Variants in CLK2 observed in about 807,000 individuals in gnomAD.
The protein encoded by CLK2 is CDC like kinase 2, also known as dual specificity protein kinase CLK2.
A neutral mutation model predicts 73.5 loss-of-function variants in CLK2; 12 were observed. The ratio of observed to expected loss-of-function variants is 0.16; its 90% CI spans 0.10 to 0.26. The LOEUF is 0.26. CLK2 is among the 10% of genes least tolerant of loss of function. The pLI is 1.00. For synonymous variants in CLK2, 232 were observed against 237.9 expected (o/e 0.98, Z 0.23); for missense variants, 509 against 688.4 (o/e 0.74, Z 2.92).
intron 8 of CLK2, among the ~76,000 whole-genome samples, chr1:155,265,507 C>G (rs1016158844): frequency 1.3e-5 from 2 of 151,834 alleles, no homozygotes; most frequent in Non-Finnish European, 2.9e-5. Flanking sequence ...GTAGAGGTTG[C>G]AGTGAGCCGA....
Position 155,265,963 on chromosome 1 carries a change from G to A in CLK2, c.839-9C>T, listed in dbSNP as rs760796166. The A allele has an allele frequency of 5.0e-6, 8 of 1,594,548 alleles. No individual in the cohort carries two copies. In the Admixed American group the frequency reaches 1.2e-4, roughly 23 times the overall value. ...CTTGTTATCATGGAGGACTGTAGGG[G>A]AGAAGGCCAGGTCAGGCTTGGTGCA... On this transcript the variant is annotated splice_polypyrimidine_tract_variant and intron_variant, in intron 7 of 12. Transcript: ENST00000368361.
In CLK2 at chr1:155,268,693, C is replaced by T; in HGVS notation, c.487+15G>A. 1.2e-6 allele frequency: 2 copies of T among 1,612,042 alleles called. No individual in the cohort carries two copies. Among genetic ancestry groups the T allele is most frequent in the Non-Finnish European group, 1.7e-6 (2 of 1,178,184 alleles). On this transcript the variant is annotated intron_variant, in intron 4 of 12. Coordinates refer to ENST00000368361, the MANE Select transcript of CLK2 (RefSeq NM_001294338.2). This position sits in a 1 kb window ranked among gnomAD's most constrained non-coding sequence, Gnocchi z 5.6. ...ACCATTACAGGCTATAGGATTGTTA[C>T]GATTTGGCTTGTACATCGCTCTTGT...
chr1:155,267,485 G>T (rs1367404576), intron 6 of CLK2, among the ~76,000 whole-genome samples: 2 of 152,130 alleles, frequency 1.3e-5, no homozygotes, highest in Non-Finnish European at 2.9e-5. Context: ...TATAGATCCT[G>T]AATCATCAAA....
chr1:155,264,068 CAGA>C, intron 11 of CLK2, 28 bp from the exon 12 acceptor site: 1 of 1,593,332 alleles, frequency 6.3e-7, no homozygotes, highest in Non-Finnish European at 8.6e-7. Flanking sequence ...GTTGAGGAAT[CAGA>C]AGGTCACCCT....
At chr1:155,270,189 C>G (rs1260552816) in intron 2 of CLK2, among the ~76,000 whole-genome samples, 1 of 143,796 alleles carries the variant, frequency 7.0e-6, no homozygotes, top group Non-Finnish European at 1.5e-5. Context: ...GAAATCCTGT[C>G]TCTACTAAAA....
chr1:155,266,500 G>C (rs949649246), intron 7 of CLK2, among the ~76,000 whole-genome samples: 3 of 152,216 alleles, frequency 2.0e-5, no homozygotes, highest in African/African-American at 7.2e-5. Context: ...GATTCCAAAG[G>C]CTTTCTCTTC....
At position 155,264,810 on chromosome 1, in the gene CLK2, C is replaced by A. The variant is rs377657872; in HGVS notation, c.934-36G>T. ...AGGAGAAAGAGGATGAACCTCTGCACCCAGACTGAGATTCCACCAGTATTC... is the reference window on the plus strand; with the variant it reads ...AGGAGAAAGAGGATGAACCTCTGCAACCAGACTGAGATTCCACCAGTATTC... On this transcript the variant is annotated intron_variant, in intron 8 of 12. Coordinates refer to ENST00000368361, the MANE Select transcript of CLK2 (RefSeq NM_001294338.2). The A allele has an allele frequency of 6.2e-6, 10 of 1,609,042 alleles. No homozygotes were observed. In the Admixed American group the frequency reaches 1.3e-4, roughly 22 times the overall value.
At chr1:155,269,054 T>C in intron 3 of CLK2, 1 of 592,962 alleles carries the variant, frequency 1.7e-6, no homozygotes, top group East Asian at 2.8e-5. Context: ...AGTGGTGTTG[T>C]TGCCAATGTC....
intron 7 of CLK2, among the ~76,000 whole-genome samples, chr1:155,266,410 T>C (rs190473160): frequency 1.8e-3 from 271 of 152,326 alleles, no homozygotes; most frequent in African/African-American, 6.3e-3. Flanking sequence ...GAGTGTATTT[T>C]TGTCTCTTTA....
chr1:155,268,911 CGAT>C lies in CLK2; in HGVS notation c.400-119_400-117del. 1.5e-6 allele frequency: 1 copy of C among 677,988 alleles called. No individual in the cohort carries two copies. Among genetic ancestry groups the C allele is most frequent in the Non-Finnish European group, 2.7e-6 (1 of 373,402 alleles). 42.0% of individuals were successfully genotyped at this position (677,988 alleles called of 1,614,324 possible). A position where few individuals can be genotyped will look rare whatever the true frequency, so the allele number is the denominator to read the frequency against. On this transcript the variant is annotated intron_variant, in intron 3 of 12. Transcript: ENST00000368361. This position sits in a 1 kb window ranked among gnomAD's most constrained non-coding sequence, Gnocchi z 5.6. ...CAGGCGCCCAGCCAGGGGGGACAGA[CGAT>C]GATGGGGGACAGTGGAAGGGAACAC...
intron 11 of CLK2, 53 bp downstream of exon 11, chr1:155,264,168 A>AT: frequency 6.3e-7 from 1 of 1,598,068 alleles, no homozygotes; most frequent in Non-Finnish European, 8.6e-7. Flanking sequence ...GAAATAGACC[A>AT]ATTCTGTGGA....
At chr1:155,269,867 C>T in intron 2 of CLK2, 151 bp from the exon 3 acceptor site, 1 of 711,752 alleles carries the variant, frequency 1.4e-6, no homozygotes, top group Non-Finnish European at 2.4e-6. Context: ...ACCAAGGGAC[C>T]AGAGAAGTGA....
chr1:155,271,072 CCT>C, intron 1 of CLK2, 95 bp from the exon 2 acceptor site: 4 of 1,267,660 alleles, frequency 3.2e-6, no homozygotes, highest in Non-Finnish European at 3.4e-6. Flanking sequence ...GCTGCTTTCC[CCT>C]CTTATTTCTG....
rs973883674 is a variant in CLK2, at chr1:155,262,940, T to C, written c.*278A>G. The C allele has an allele frequency of 2.4e-5, 9 of 379,498 alleles. No homozygotes were observed. The highest frequency in any genetic ancestry group is 4.2e-5 in the Non-Finnish European group (9 of 212,010). The allele number at this position is 379,498 out of a possible 1,614,324, so 23.5% of individuals were successfully genotyped here. ...AATTCCTTATAAAACATGGGGTAGA[T>C]GCCACCTGGTTACCTCACTCGGCCC... On this transcript the variant is annotated 3_prime_UTR_variant, in exon 13 of 13. Coordinates refer to ENST00000368361, the MANE Select transcript of CLK2 (RefSeq NM_001294338.2).
At position 155,267,140 on chromosome 1, in the gene CLK2, G is replaced by C. The variant is rs1673267657; in HGVS notation, c.672-245C>G. On this transcript the variant is annotated intron_variant, in intron 6 of 12. Coordinates refer to ENST00000368361, the MANE Select transcript of CLK2 (RefSeq NM_001294338.2). ...GATGGCGTCTCACTCTGTCACCCAG[G>C]CTGGAGTGCAGTGGCGCGATCTTGG... 2.6e-5 allele frequency among the ~76,000 whole-genome samples: 4 copies of C among 152,110 alleles called. No homozygotes were observed. The South Asian group carries it at 6.2e-4, about 24-fold the overall frequency.
At chr1:155,266,066 A>T (rs1673217376) in intron 7 of CLK2, 112 bp from the exon 8 acceptor site, 1 of 749,466 alleles carries the variant, frequency 1.3e-6, no homozygotes, top group South Asian at 1.4e-5. Context: ...ACAGGTCCAG[A>T]ATCACTAGGG....
At position 155,264,500 on chromosome 1, in the gene CLK2, A is replaced by C; in HGVS notation, c.1114T>G (p.Phe372Val). ...CDVWSIGCIIFEYYVGFTLFQ... is the reference protein window; with the variant it reads ...CDVWSIGCIIVEYYVGFTLFQ... ...AGGGTGAATCCCACATAGTATTCAA[A>C]GATGATGCAGCCTATACTCCACACA... Residue 372 changes from phenylalanine (F) to valine (V), a missense_variant, in exon 10 of 13, where the codon TTT becomes GTT. Coordinates refer to ENST00000368361, the MANE Select transcript of CLK2 (RefSeq NM_001294338.2). The C allele has an allele frequency of 6.2e-7, 1 of 1,614,236 alleles. No individual in the cohort carries two copies. The highest frequency in any genetic ancestry group is 8.5e-7 in the Non-Finnish European group (1 of 1,180,042).
intron 6 of CLK2, among the ~76,000 whole-genome samples, 160 bp downstream of exon 6, chr1:155,267,850 C>A (rs149300184): frequency 2.2e-4 from 34 of 152,282 alleles, no homozygotes; most frequent in African/African-American, 5.3e-4. Flanking sequence ...GGGCCCCCCC[C>A]CTTTCCTACC....
At chr1:155,263,616 C>A (rs892293018) in intron 12 of CLK2, 5 of 983,992 alleles carry the variant, frequency 5.1e-6, no homozygotes, top group Non-Finnish European at 6.0e-6. Flanking sequence ...AAAGTTCTTT[C>A]TACTTGTATA....
Sources: gnomAD v4.1 joint callset for allele counts (sites outside exome capture counted in the v4.1 genomes callset) on GRCh38, gnomAD v4.1.1 for gene constraint, Gnocchi (gnomAD v3.1) non-coding constraint, MANE v1.5 for transcripts, NCBI Gene and HGNC (gene_info 2026-07-23, HGNC 2026-07-21) for gene names.